IBTK: variants seen among roughly 807,000 people sequenced by gnomAD.
IBTK encodes inhibitor of Bruton tyrosine kinase, also known as BTK-binding protein.
IBTK carries 83 observed loss-of-function variants against 154.9 expected under a neutral mutation model. That is an observed-to-expected ratio of 0.54 (90% confidence interval 0.45 to 0.64). The LOEUF is 0.64. Among genes scored for constraint, IBTK ranks in the 30% least tolerant of loss-of-function variants. IBTK has a pLI of 0.00. For synonymous variants in IBTK, 515 were observed against 536.1 expected (o/e 0.96, Z 0.54); for missense variants, 1,332 against 1,584.6 (o/e 0.84, Z 2.71).
At chr6:82,209,041 T>C (rs1009776652) in intron 16 of IBTK, among the ~76,000 whole-genome samples, 1 of 152,186 alleles carries the variant, frequency 6.6e-6, no homozygotes, top group African/African-American at 2.4e-5. Flanking sequence ...GTTGCATAAC[T>C]TCACACCCGT....
chr6:82,231,151 A>G (rs983292243), intron 4 of IBTK, among the ~76,000 whole-genome samples: 2 of 152,150 alleles, frequency 1.3e-5, no homozygotes, highest in Non-Finnish European at 2.9e-5. Context: ...CAGTTAAAAA[A>G]CTCTATAGCC....
intron 16 of IBTK, among the ~76,000 whole-genome samples, chr6:82,209,107 G>A (rs949720375): frequency 6.6e-6 from 1 of 152,202 alleles, no homozygotes; most frequent in South Asian, 2.1e-4. Context: ...AGGATGTGGA[G>A]AAACTGGAAC....
rs1434618337 is a variant in IBTK at position 82,224,269 on chromosome 6, A to G, written c.826-84T>C. Reference sequence around the variant, plus strand: ...TTAAAGATCCAGCAGACCAGCAAATATATGGTATACTTGCTGTTAGTGGTC... The same window carrying G: ...TTAAAGATCCAGCAGACCAGCAAATGTATGGTATACTTGCTGTTAGTGGTC... On this transcript the variant is annotated intron_variant, in intron 6 of 28. Coordinates refer to ENST00000306270, the MANE Select transcript of IBTK (RefSeq NM_015525.4). 3.2e-6 allele frequency: 3 copies of G among 946,878 alleles called. No homozygotes were observed. The African/African-American group carries it at 4.9e-5, about 15-fold the overall frequency. 58.7% of individuals were successfully genotyped at this position (946,878 alleles called of 1,614,324 possible).
Position 82,173,367 on chromosome 6 carries a change from T to C in IBTK, c.3797A>G (p.Asn1266Ser), listed in dbSNP as rs1480353659. 2 of 1,610,148 alleles carry C rather than the reference T, an allele frequency of 1.2e-6. No individual in the cohort carries two copies. Among genetic ancestry groups the C allele is most frequent in the African/African-American group, 1.3e-5 (1 of 74,936 alleles). Residue 1266 changes from asparagine (N) to serine (S), a missense_variant and splice_region_variant, in exon 27 of 29, where the codon AAT becomes AGT. Asn to Ser is a conservative substitution (Grantham distance 46). This residue lies in a region of IBTK where 1,134 missense variants were observed against 1,274.7 expected (regional missense o/e 0.89). Coordinates refer to ENST00000306270, the MANE Select transcript of IBTK (RefSeq NM_015525.4). ...ISDLPLLDSP[N>S]PWLSSSVTAP... ...CCCATAACTTATCAATTAACCTTAC[T>C]TGGGACTGTCTAGAAGTGGTAAATC...
intron 2 of IBTK, 43 bp from the exon 3 acceptor site, chr6:82,234,298 A>G (rs1770635025): frequency 1.4e-6 from 1 of 697,922 alleles, no homozygotes; most frequent in Non-Finnish European, 2.1e-6. Context: ...TATATATATT[A>G]TTAATTACCT....
chr6:82,236,739 T>C (rs1408212474), intron 2 of IBTK, among the ~76,000 whole-genome samples: 1 of 152,182 alleles, frequency 6.6e-6, no homozygotes, highest in Non-Finnish European at 1.5e-5. Context: ...TGATAATCCA[T>C]AATACCTGAA....
rs1452646086 is a variant in IBTK, at chr6:82,240,243, C to T, written c.244G>A (p.Asp82Asn). 1 of 1,614,090 alleles carries T rather than the reference C, an allele frequency of 6.2e-7. No homozygotes were observed. The highest frequency in any genetic ancestry group is 8.5e-7 in the Non-Finnish European group (1 of 1,180,020). Residue 82 changes from aspartate to asparagine, a missense_variant, in exon 2 of 29, where the codon GAC (aspartate) becomes AAC (asparagine). Transcript: ENST00000306270. Reference protein sequence around the residue: ...IQKGVDLLVKDKESGWTALHR... With the variant: ...IQKGVDLLVKNKESGWTALHR... The stretch of plus-strand genomic sequence containing the variant: ...AATGCTGTCCATCCAGACTCTTTGT[C>T]TTTCACCAACAGATCCACTCCTTTC...
chr6:82,200,222 CTT>C lies in IBTK; in HGVS notation c.2942_2943del (p.Lys981SerfsTer2). ...GAACGTTTACGTGGCTTCTTTTTAGCTTTTGTTTTTGCTTTCTTGAACATAGT... is the reference window on the plus strand; with the variant it reads ...GAACGTTTACGTGGCTTCTTTTTAGCTTGTTTTTGCTTTCTTGAACATAGT... Reference protein sequence around the residue: ...SETMFKKAKTKAKKKPRKRSD... With the variant: ...SETMFKKAKTXAKKKPRKRSD... On this transcript the variant is annotated frameshift_variant, in exon 21 of 29. Coordinates refer to ENST00000306270, the MANE Select transcript of IBTK (RefSeq NM_015525.4). LOFTEE classifies it high-confidence loss of function. 6.2e-7 allele frequency: 1 copy of C among 1,613,590 alleles called. No homozygotes were observed. Among genetic ancestry groups the C allele is most frequent in the Non-Finnish European group, 8.5e-7 (1 of 1,179,732 alleles).
At chr6:82,210,972 C>A in intron 15 of IBTK, 62 bp from the exon 16 acceptor site, 1 of 965,224 alleles carries the variant, frequency 1.0e-6, no homozygotes, top group Non-Finnish European at 1.5e-6. Flanking sequence ...ATATTACATT[C>A]TAATTTGGGT....
chr6:82,181,842 G>A, intron 26 of IBTK, 37 bp downstream of exon 26: 1 of 1,396,038 alleles, frequency 7.2e-7, no homozygotes, highest in South Asian at 1.4e-5. Context: ...AATATTTTAA[G>A]GTAGAAAATG....
chr6:82,237,733 C>T (rs1770785662), intron 2 of IBTK, among the ~76,000 whole-genome samples: 1 of 150,454 alleles, frequency 6.6e-6, no homozygotes, highest in Admixed American at 6.7e-5. Context: ...TTTAACTCCA[C>T]AAAAGAATAT....
At chr6:82,178,247 A>AT (rs1768187648) in intron 26 of IBTK, among the ~76,000 whole-genome samples, 1 of 152,226 alleles carries the variant, frequency 6.6e-6, no homozygotes, top group South Asian at 2.1e-4. Flanking sequence ...CCAAAGCAGT[A>AT]TAACAGGGCA....
chr6:82,173,004 T>TA (rs200957077), intron 27 of IBTK: 9 of 146,298 alleles, frequency 6.2e-5, no homozygotes, highest in Non-Finnish European at 1.2e-4. Flanking sequence ...TATTCTCTTT[T>TA]TTTTTTTTTT....
chr6:82,200,326 C>A, intron 20 of IBTK, 73 bp from the exon 21 acceptor site: 1 of 1,025,410 alleles, frequency 9.8e-7, no homozygotes, highest in Non-Finnish European at 1.5e-6. Context: ...TTTAACCCAA[C>A]ATGTTTAACC....
At position 82,217,250 on chromosome 6, in the gene IBTK, C is replaced by A. The variant is rs79660299; in HGVS notation, c.1426+710G>T. 6.6e-3 allele frequency among the ~76,000 whole-genome samples: 1,000 copies of A among 152,178 alleles called. 14 individuals are homozygous for A. Among genetic ancestry groups the A allele is most frequent in the African/African-American group, 0.023 (952 of 41,538 alleles). ...TATGACTAAGACACACTTCTAAAGA[C>A]TTCCATAAGTTGAACCTACGTTCTA... On this transcript the variant is annotated intron_variant, in intron 10 of 28. Coordinates refer to ENST00000306270, the MANE Select transcript of IBTK (RefSeq NM_015525.4).
intron 2 of IBTK, among the ~76,000 whole-genome samples, chr6:82,235,065 T>C (rs1037208661): frequency 6.6e-6 from 1 of 151,912 alleles, no homozygotes; most frequent in African/African-American, 2.4e-5. Flanking sequence ...TTCACCATGT[T>C]GGCCAGGCTG....
chr6:82,188,252 C>A (rs192882060), intron 25 of IBTK, among the ~76,000 whole-genome samples: 8 of 152,220 alleles, frequency 5.3e-5, no homozygotes, highest in African/African-American at 1.7e-4. Context: ...AAATAAAACA[C>A]ATATAGAGTA....
At chr6:82,235,874 G>GTT (rs201598356) in intron 2 of IBTK, among the ~76,000 whole-genome samples, 26 of 151,262 alleles carry the variant, frequency 1.7e-4, no homozygotes, top group African/African-American at 5.6e-4. Context: ...TGTTGTTATT[G>GTT]TTTTTTTTGG....
intron 2 of IBTK, among the ~76,000 whole-genome samples, chr6:82,236,715 G>A (rs942885144): frequency 6.6e-6 from 1 of 152,198 alleles, no homozygotes; most frequent in Non-Finnish European, 1.5e-5. Context: ...ATTAAAATGT[G>A]TGTGGTTTCT....
Sources: allele counts gnomAD v4.1 joint callset (sites outside exome capture counted in the v4.1 genomes callset), GRCh38; gene constraint gnomAD v4.1.1; regional missense constraint gnomAD v4.1.1; transcripts MANE v1.5; gene names NCBI Gene and HGNC (gene_info 2026-07-23, HGNC 2026-07-21).